PLD5: variants seen among roughly 807,000 people sequenced by gnomAD.
The protein encoded by PLD5 is inactive phospholipase D5.
PLD5 carries 36 observed loss-of-function variants against 61.1 expected under a neutral mutation model. The observed-to-expected ratio is 0.59, with a 90% confidence interval of 0.45 to 0.78. The LOEUF is 0.78. PLD5 is among the 30% of genes least tolerant of loss of function. PLD5 has a pLI of 0.00. For synonymous variants in PLD5, 243 were observed against 242.8 expected, an observed-to-expected ratio of 1.00 and a Z score of -0.01; for missense variants, 515 against 644.4, an observed-to-expected ratio of 0.80 and a Z score of 2.17.
intron 5 of PLD5, among the ~76,000 whole-genome samples, chr1:242,200,630 C>CA (rs111252018): frequency 0.044 from 4,783 of 108,406 alleles, 261 homozygotes; most frequent in African/African-American, 0.14. Context: ...GTGGCACAGG[C>CA]AAAAAAAAAA....
At chr1:242,113,824 G>T in intron 7 of PLD5, 66 bp downstream of exon 7, 3 of 1,532,924 alleles carry the variant, frequency 2.0e-6, no homozygotes, top group Non-Finnish European at 2.6e-6. Flanking sequence ...GGCTTCTCCT[G>T]TGGTGCCCAG....
intron 1 of PLD5, among the ~76,000 whole-genome samples, chr1:242,520,767 A>G (rs949702845): frequency 4.6e-5 from 7 of 152,328 alleles, no homozygotes; most frequent in African/African-American, 1.7e-4. Flanking sequence ...GGATAGTCAC[A>G]TCTTATTAAA....
chr1:242,289,470 T>A (rs551873551), intron 2 of PLD5, among the ~76,000 whole-genome samples: 17 of 152,324 alleles, frequency 1.1e-4, no homozygotes, highest in Non-Finnish European at 2.4e-4. Context: ...TGCCTCAGCC[T>A]CCCAAGTAGC....
At chr1:242,127,219 T>C (rs1331393736) in intron 5 of PLD5, among the ~76,000 whole-genome samples, 1 of 152,198 alleles carries the variant, frequency 6.6e-6, no homozygotes, top group African/African-American at 2.4e-5. Flanking sequence ...TGTAAACTAG[T>C]ACAACCACTA....
upstream of PLD5, among the ~76,000 whole-genome samples, chr1:242,526,339 T>C (rs1669445831): frequency 6.6e-6 from 1 of 152,166 alleles, no homozygotes; most frequent in Admixed American, 6.5e-5. Context: ...TGAGCCGATA[T>C]CGCACTGCAC....
intron 5 of PLD5, among the ~76,000 whole-genome samples, chr1:242,160,542 T>C (rs1665738281): frequency 6.6e-6 from 1 of 152,126 alleles, no homozygotes; most frequent in Admixed American, 6.5e-5. Context: ...TGTAAGTGAA[T>C]ATGTTATTGA....
intron 5 of PLD5, chr1:242,209,480 CCA>C (rs1398974101): frequency 5.3e-5 from 8 of 152,232 alleles, no homozygotes; most frequent in Admixed American, 1.3e-4. Context: ...TGTTTCCATG[CCA>C]CATTTTGGTA....
intron 1 of PLD5, among the ~76,000 whole-genome samples, chr1:242,421,746 T>A (rs1185285779): frequency 6.6e-6 from 1 of 152,200 alleles, no homozygotes; most frequent in East Asian, 1.9e-4. Context: ...AACTGCAAGT[T>A]TCCTTAAAGA....
intron 2 of PLD5, among the ~76,000 whole-genome samples, chr1:242,339,641 C>T (rs1487343851): frequency 6.6e-6 from 1 of 152,220 alleles, no homozygotes; most frequent in Non-Finnish European, 1.5e-5. Flanking sequence ...TTGCTTTTCT[C>T]ATGGGGTTGG....
chr1:242,299,623 C>G (rs552915122), intron 2 of PLD5, among the ~76,000 whole-genome samples: 1 of 152,320 alleles, frequency 6.6e-6, no homozygotes, highest in Admixed American at 6.5e-5. Flanking sequence ...GTTTTTCCCC[C>G]CAAGTCATGA....
chr1:242,411,809 C>T lies in PLD5; in HGVS notation c.190-63567G>A, dbSNP rs1189028483. On this transcript the variant is annotated intron_variant, in intron 1 of 9. Transcript: ENST00000536534. ...CCAAAATGAATGACTGAGGCAAGTG[C>T]CCCAATCAATTAAGGTTTATTGAGC... Among the ~76,000 whole-genome samples, 2 of 152,076 alleles carry T rather than the reference C, an allele frequency of 1.3e-5. 1 individual carries two copies. Among genetic ancestry groups the T allele is most frequent in the Non-Finnish European group, 2.9e-5 (2 of 68,030 alleles).
chr1:242,365,951 A>C (rs2149241636), intron 1 of PLD5: 1 of 152,346 alleles, frequency 6.6e-6, no homozygotes, highest in Admixed American at 6.5e-5. Context: ...TTAGTTAAAA[A>C]CCTTCCCACA....
chr1:242,330,621 A>C lies in PLD5; in HGVS notation c.326+17485T>G, dbSNP rs75773567. ...TCCTCTTTGTATCTCTAGCATTAGC[A>C]CAGTCTTCACACAAAGTAGACCTTT... On this transcript the variant is annotated intron_variant, in intron 2 of 9. Transcript: ENST00000536534. 3.7e-3 allele frequency among the ~76,000 whole-genome samples: 562 copies of C among 152,316 alleles called. 8 individuals carry two copies. The highest frequency in any genetic ancestry group is 0.013 in the African/African-American group (543 of 41,574).
chr1:242,298,842 A>C (rs1675865516), intron 2 of PLD5, among the ~76,000 whole-genome samples: 1 of 152,178 alleles, frequency 6.6e-6, no homozygotes. Context: ...ACTGACCCAG[A>C]AAGGAACAAT....
chr1:242,158,951 T>C (rs1247511448), intron 5 of PLD5, among the ~76,000 whole-genome samples: 2 of 152,228 alleles, frequency 1.3e-5, no homozygotes, highest in African/African-American at 4.8e-5. Context: ...ATGTTTTAAA[T>C]CTCTACTAAA....
rs1486870149 is a variant in PLD5 at position 242,434,239 on chromosome 1, C to A, written c.190-85997G>T. ...GTGGATGGCGGTCAGTTTCTGGATA[C>A]CTCATGAATGTTGGGCTGCCAAGAA... On this transcript the variant is annotated intron_variant, in intron 1 of 9. Transcript: ENST00000536534. 4.6e-5 allele frequency among the ~76,000 whole-genome samples: 7 copies of A among 152,288 alleles called. No homozygotes were observed. In the East Asian group the frequency reaches 1.4e-3, roughly 29 times the overall value.
At chr1:242,413,309 C>CTT (rs112704103) in intron 1 of PLD5, among the ~76,000 whole-genome samples, 2 of 145,632 alleles carry the variant, frequency 1.4e-5, no homozygotes, top group African/African-American at 2.5e-5. Flanking sequence ...CATGATCTCT[C>CTT]TTTTTTTTTT....
intron 1 of PLD5, among the ~76,000 whole-genome samples, chr1:242,384,575 T>C (rs1268854909): frequency 6.6e-6 from 1 of 152,254 alleles, no homozygotes. Flanking sequence ...ATTGCCACAA[T>C]GACGCTTCGT....
intron 5 of PLD5, among the ~76,000 whole-genome samples, chr1:242,142,633 C>T (rs1664248879): frequency 7.1e-6 from 1 of 141,526 alleles, no homozygotes; most frequent in African/African-American, 2.5e-5. Flanking sequence ...CACTTCTTTA[C>T]ACTAATGTTT....
Sources: allele counts gnomAD v4.1 joint callset (sites outside exome capture counted in the v4.1 genomes callset), GRCh38; gene constraint gnomAD v4.1.1; transcripts MANE v1.5; gene names NCBI Gene and HGNC (gene_info 2026-07-23, HGNC 2026-07-21).